The following ARL15 variants were observed in gnomAD, a reference collection of about 807,000 sequenced individuals.
ARL15 encodes the protein ADP-ribosylation factor-like protein 15.
Under a neutral mutation model 25.2 loss-of-function variants are expected in ARL15, and 19 were observed. The observed-to-expected ratio is 0.75, with a 90% CI of 0.53 to 1.10. The LOEUF (loss-of-function observed/expected upper bound fraction) is 1.10. ARL15 is among the 50% of genes least tolerant of loss of function. ARL15 has a pLI of 0.00. For synonymous variants in ARL15, 94 were observed against 86.8 expected, an observed-to-expected ratio of 1.08 and a Z score of -0.46; for missense variants, 220 against 246.0, an observed-to-expected ratio of 0.89 and a Z score of 0.71.
At chr5:53,969,966 T>C (rs1391818792) in intron 4 of ARL15, among the ~76,000 whole-genome samples, 2 of 152,158 alleles carry the variant, frequency 1.3e-5, no homozygotes, top group Non-Finnish European at 2.9e-5. Context: ...GTGGTTTAAC[T>C]CTCTTGGCAT....
intron 1 of ARL15, among the ~76,000 whole-genome samples, chr5:54,300,579 T>C (rs1294148408): frequency 2.6e-5 from 4 of 152,218 alleles, no homozygotes. Context: ...AGGTGGTTCA[T>C]TACTCAGATA....
chr5:54,029,306 T>TACCACCACCACCAACACC (rs1561194917), intron 4 of ARL15, among the ~76,000 whole-genome samples: 12 of 120,086 alleles, frequency 1.0e-4, no homozygotes, highest in Admixed American at 3.4e-4. Context: ...TAAAAACAGT[T>TACCACCACCACCAACACC]ACCACCACCA....
chr5:54,086,133 C>G (rs1037761240), intron 4 of ARL15, among the ~76,000 whole-genome samples: 1 of 152,038 alleles, frequency 6.6e-6, no homozygotes, highest in African/African-American at 2.4e-5. Context: ...AGAGTGGTCT[C>G]GACCTCCCGA....
At chr5:54,205,612 A>T (rs954155920) in intron 1 of ARL15, among the ~76,000 whole-genome samples, 1 of 152,206 alleles carries the variant, frequency 6.6e-6, no homozygotes, top group Non-Finnish European at 1.5e-5. Flanking sequence ...CTATTATGCT[A>T]GAATCCCAAC....
At chr5:54,214,101 G>C (rs184710793) in intron 1 of ARL15, among the ~76,000 whole-genome samples, 3 of 152,096 alleles carry the variant, frequency 2.0e-5, no homozygotes, top group Admixed American at 6.5e-5. Flanking sequence ...GAGATGGAAG[G>C]GGGGAAAAAA....
intron 1 of ARL15, among the ~76,000 whole-genome samples, chr5:54,211,290 C>G (rs949104816): frequency 1.3e-5 from 2 of 152,004 alleles, no homozygotes; most frequent in African/African-American, 2.4e-5. Context: ...GAGCAGAATA[C>G]AAGGAGCTGT....
chr5:54,225,769 C>G (rs778636789), intron 1 of ARL15, among the ~76,000 whole-genome samples: 9 of 151,982 alleles, frequency 5.9e-5, no homozygotes, highest in African/African-American at 2.2e-4. Flanking sequence ...GACACACCAT[C>G]GCATCGGGAA....
chr5:54,207,503 T>C (rs141401590), intron 1 of ARL15, among the ~76,000 whole-genome samples: 22 of 152,352 alleles, frequency 1.4e-4, no homozygotes, highest in African/African-American at 5.0e-4. Context: ...AAAAGACCTC[T>C]TTAAAGTGGC....
At position 53,958,399 on chromosome 5, in the gene ARL15, G is replaced by A. The variant is rs556528946; in HGVS notation, c.463-71686C>T. Among the ~76,000 whole-genome samples, 221 of 152,176 alleles carry A rather than the reference G, an allele frequency of 1.5e-3. 1 individual carries two copies. The highest frequency in any genetic ancestry group is 1.8e-3 in the Admixed American group (27 of 15,276). On this transcript the variant is annotated intron_variant, in intron 4 of 4. Transcript: ENST00000504924. ...TAGGACATTAATTGTAATCCCCATA[G>A]TAAGCACTAGGAAAATGTCTTTAAA...
intron 4 of ARL15, among the ~76,000 whole-genome samples, chr5:54,010,246 A>G (rs112186543): frequency 4.6e-5 from 7 of 152,380 alleles, no homozygotes; most frequent in African/African-American, 1.7e-4. Flanking sequence ...TTCACCTTAC[A>G]TTTAATAATT....
chr5:54,047,019 G>A (rs1356222836), intron 4 of ARL15, among the ~76,000 whole-genome samples: 3 of 152,144 alleles, frequency 2.0e-5, no homozygotes, highest in Non-Finnish European at 2.9e-5. Context: ...CAGTAACCCC[G>A]GGAACTGGGA....
chr5:53,913,822 T>G (rs780994177), intron 4 of ARL15, among the ~76,000 whole-genome samples: 1 of 152,208 alleles, frequency 6.6e-6, no homozygotes, highest in Non-Finnish European at 1.5e-5. Context: ...TTCTCTGAGA[T>G]CCTGTAGTCC....
At chr5:54,136,278 C>T (rs1753600892) in intron 3 of ARL15, among the ~76,000 whole-genome samples, 1 of 152,128 alleles carries the variant, frequency 6.6e-6, no homozygotes, top group Non-Finnish European at 1.5e-5. Flanking sequence ...CCTTCAAATA[C>T]CTTCAATAGC....
intron 3 of ARL15, among the ~76,000 whole-genome samples, chr5:54,121,669 T>C (rs1753079610): frequency 6.6e-6 from 1 of 151,988 alleles, no homozygotes; most frequent in Non-Finnish European, 1.5e-5. Context: ...AGGAGTGAGA[T>C]TCAGCCCTGA....
intron 4 of ARL15, among the ~76,000 whole-genome samples, chr5:53,960,241 A>AT (rs1747316966): frequency 6.6e-6 from 1 of 152,232 alleles, no homozygotes; most frequent in Non-Finnish European, 1.5e-5. Context: ...GGTAGAAGAG[A>AT]TAAACATTTC....
At chr5:53,910,633 T>TTATATA (rs70986649) in intron 4 of ARL15, among the ~76,000 whole-genome samples, 3,549 of 54,364 alleles carry the variant, frequency 0.065, 148 homozygotes, top group African/African-American at 0.11. Flanking sequence ...TAAAAAAAAA[T>TTATATA]TATATATATA....
At chr5:53,916,292 T>TAA (rs774093108) in intron 4 of ARL15, among the ~76,000 whole-genome samples, 12 of 18,562 alleles carry the variant, frequency 6.5e-4, no homozygotes, top group Admixed American at 6.2e-3. Flanking sequence ...AAATGTAATA[T>TAA]TAAAAAAAAA....
chr5:54,005,262 C>T (rs1057342462), intron 4 of ARL15, among the ~76,000 whole-genome samples: 4 of 132,422 alleles, frequency 3.0e-5, no homozygotes, highest in Non-Finnish European at 6.5e-5. Flanking sequence ...ACCCCCACTC[C>T]AAACATACCT....
intron 4 of ARL15, among the ~76,000 whole-genome samples, chr5:53,979,990 C>A (rs1444551565): frequency 1.3e-5 from 2 of 152,096 alleles, no homozygotes; most frequent in Non-Finnish European, 2.9e-5. Context: ...CAGGCGTGAG[C>A]CACTGAACCT....
Sources: allele counts gnomAD v4.1 joint callset (sites outside exome capture counted in the v4.1 genomes callset), GRCh38; gene constraint gnomAD v4.1.1; transcripts MANE v1.5; gene names NCBI Gene and HGNC (gene_info 2026-07-23, HGNC 2026-07-21).